MAP4: variants seen among roughly 807,000 people sequenced by gnomAD.
MAP4 encodes the protein microtubule associated protein 4, also known as microtubule-associated protein 4.
MAP4 carries 76 observed loss-of-function variants against 170.2 expected under a neutral mutation model. The ratio of observed to expected loss-of-function variants is 0.45; its 90% confidence interval spans 0.37 to 0.54. The LOEUF (loss-of-function observed/expected upper bound fraction) is 0.54. Ranked by LOEUF, MAP4 falls within the 20% of genes least tolerant of loss-of-function variation. The pLI is 0.00. For synonymous variants in MAP4, 909 were observed against 994.5 expected (o/e 0.91, Z 1.62); for missense variants, 2,506 against 2,748.0 (o/e 0.91, Z 1.97).
intron 1 of MAP4, among the ~76,000 whole-genome samples, chr3:48,003,408 C>T (rs571462211): frequency 2.7e-4 from 39 of 146,022 alleles, no homozygotes; most frequent in Non-Finnish European, 3.4e-4. Flanking sequence ...GAGCAGAGAT[C>T]GCGCCACTGC....
rs58586542 is a variant in MAP4, at chr3:47,934,713, T to A, written c.293-6363A>T. On this transcript the variant is annotated intron_variant, in intron 3 of 20. Transcript: ENST00000683076. ...GCTCTTTCCTTGTTTTTTTGTTTTTTTCCCCCAGTGGTAACCTCAGAACTT... is the reference window on the plus strand; with the variant it reads ...GCTCTTTCCTTGTTTTTTTGTTTTTATCCCCCAGTGGTAACCTCAGAACTT... 4.0e-3 allele frequency among the ~76,000 whole-genome samples: 610 copies of A among 152,344 alleles called. 6 individuals carry two copies. The highest frequency in any genetic ancestry group is 0.014 in the African/African-American group (591 of 41,578).
At chr3:48,068,836 T>A (rs146737086) in intron 1 of MAP4, among the ~76,000 whole-genome samples, 1 of 152,228 alleles carries the variant, frequency 6.6e-6, no homozygotes, top group African/African-American at 2.4e-5. Flanking sequence ...GACATTCATT[T>A]AAATCCACTT....
At chr3:48,018,758 G>A (rs1179720381), upstream of MAP4, among the ~76,000 whole-genome samples, 3 of 152,000 alleles carry the variant, frequency 2.0e-5, no homozygotes, top group African/African-American at 2.4e-5. Context: ...AGCCAAGATC[G>A]TGTCACTGCA....
chr3:47,919,116 A>G (rs1179963023), intron 5 of MAP4, among the ~76,000 whole-genome samples: 1 of 151,296 alleles, frequency 6.6e-6, no homozygotes, highest in African/African-American at 2.4e-5. Flanking sequence ...TATTTTTAGT[A>G]GAGGCGGGGT....
intron 3 of MAP4, among the ~76,000 whole-genome samples, chr3:47,952,455 G>A (rs1032158049): frequency 1.3e-5 from 2 of 152,116 alleles, no homozygotes; most frequent in Non-Finnish European, 2.9e-5. Context: ...AAGGGGGAAA[G>A]GTGGGGAAAA....
intron 17 of MAP4, among the ~76,000 whole-genome samples, chr3:47,858,309 G>A (rs558971457): frequency 7.2e-5 from 11 of 152,030 alleles, no homozygotes; most frequent in Non-Finnish European, 1.0e-4. Flanking sequence ...CACCACGCCC[G>A]GCCACCAGCC....
chr3:47,980,917 TAC>T (rs1363363244), intron 2 of MAP4, among the ~76,000 whole-genome samples: 1 of 152,214 alleles, frequency 6.6e-6, no homozygotes, highest in Non-Finnish European at 1.5e-5. Context: ...GAGCAGCTAT[TAC>T]AGTGATAAAA....
intron 1 of MAP4, among the ~76,000 whole-genome samples, chr3:48,007,617 A>G (rs2100103070): frequency 6.6e-6 from 1 of 151,418 alleles, no homozygotes; most frequent in Non-Finnish European, 1.5e-5. Context: ...GTGAATCGCA[A>G]TGGAGACTTC....
At chr3:48,037,884 C>T (rs974426959) in intron 1 of MAP4, among the ~76,000 whole-genome samples, 3 of 151,986 alleles carry the variant, frequency 2.0e-5, no homozygotes, top group South Asian at 2.1e-4. Flanking sequence ...TGAGGATTTT[C>T]GGCCAGGCAC....
chr3:48,040,212 T>C lies in MAP4; in HGVS notation c.-19-41333A>G, dbSNP rs141598712. Among the ~76,000 whole-genome samples the C allele has an allele frequency of 4.6e-3, 697 of 152,312 alleles. 7 individuals are homozygous for C. The highest frequency in any genetic ancestry group is 0.015 in the African/African-American group (641 of 41,576). ...AATCCACGCTTCTACTCCTTGCTAT[T>C]ACAAGCCAATAGGATCTTAAGGTTT... On this transcript the variant is annotated intron_variant, in intron 1 of 18. Transcript: ENST00000360240.
intron 18 of MAP4, among the ~76,000 whole-genome samples, chr3:47,856,365 A>T (rs1192950884): frequency 2.0e-5 from 3 of 152,222 alleles, no homozygotes; most frequent in African/African-American, 7.2e-5. Context: ...GGGGAAAAAA[A>T]TGGTTAGTTA....
chr3:47,900,043 T>C (rs1180192468), intron 10 of MAP4, among the ~76,000 whole-genome samples: 1 of 152,220 alleles, frequency 6.6e-6, no homozygotes, highest in Non-Finnish European at 1.5e-5. Flanking sequence ...GCATTCTTTC[T>C]TATCAGTTAC....
chr3:47,921,954 T>A, intron 4 of MAP4, 76 bp from the exon 5 acceptor site: 1 of 269,402 alleles, frequency 3.7e-6, no homozygotes, highest in Non-Finnish European at 7.1e-6. Flanking sequence ...TCTTTCTTTC[T>A]TTTTTTTTTT....
chr3:48,042,516 A>C (rs1434167326), intron 1 of MAP4, among the ~76,000 whole-genome samples: 1 of 152,230 alleles, frequency 6.6e-6, no homozygotes, highest in Non-Finnish European at 1.5e-5. Context: ...AATGGCCAAT[A>C]AACACATTAG....
chr3:48,063,064 G>A (rs187637717), intron 1 of MAP4, among the ~76,000 whole-genome samples: 6 of 151,134 alleles, frequency 4.0e-5, no homozygotes, highest in Non-Finnish European at 5.9e-5. Flanking sequence ...TGTCATCAGA[G>A]AATTGCCAAT....
intron 3 of MAP4, chr3:47,960,437 CT>C: frequency 9.4e-6 from 2 of 211,798 alleles, no homozygotes; most frequent in Non-Finnish European, 1.1e-5. Flanking sequence ...CTTACTGAAA[CT>C]TTTTTGTTCA....
intron 9 of MAP4, among the ~76,000 whole-genome samples, chr3:47,907,376 G>A (rs930811818): frequency 1.3e-5 from 2 of 152,210 alleles, no homozygotes; most frequent in East Asian, 3.9e-4. Flanking sequence ...ATACTCCTTT[G>A]TACCATGTGA....
intron 17 of MAP4, among the ~76,000 whole-genome samples, chr3:47,864,729 T>G (rs904316045): frequency 1.3e-5 from 2 of 152,066 alleles, no homozygotes; most frequent in Non-Finnish European, 2.9e-5. Context: ...TAGCTAGGCA[T>G]GGTGGCAGGT....
chr3:47,875,611 G>T, intron 12 of MAP4, 74 bp downstream of exon 12: 1 of 1,287,930 alleles, frequency 7.8e-7, no homozygotes. Flanking sequence ...TTGTCTGTTA[G>T]CAACAAGGAT....
Sources: allele counts gnomAD v4.1 joint callset (sites outside exome capture counted in the v4.1 genomes callset), GRCh38; gene constraint gnomAD v4.1.1; transcripts MANE v1.5; gene names NCBI Gene and HGNC (gene_info 2026-07-23, HGNC 2026-07-21).